Variants in PDE3B observed in about 807,000 individuals in gnomAD.
PDE3B encodes cGMP-inhibited 3',5'-cyclic phosphodiesterase 3B.
PDE3B carries 66 observed loss-of-function variants against 116.8 expected under a neutral mutation model. The observed-to-expected ratio is 0.56, with a 90% CI of 0.46 to 0.69. The LOEUF is 0.69. Among genes scored for constraint, PDE3B ranks in the 30% least tolerant of loss-of-function variants. The pLI, the probability that PDE3B is intolerant of heterozygous loss-of-function variation, is 0.00. For synonymous variants in PDE3B, 595 were observed against 533.6 expected, an observed-to-expected ratio of 1.12 and a Z score of -1.59; for missense variants, 1,384 against 1,368.1, an observed-to-expected ratio of 1.01 and a Z score of -0.18.
intron 12 of PDE3B, among the ~76,000 whole-genome samples, chr11:14,845,156 TCAGA>T (rs971223936): frequency 6.6e-6 from 1 of 151,712 alleles, no homozygotes; most frequent in African/African-American, 2.4e-5. Context: ...AGAGGAACGA[TCAGA>T]CAGCAGCGTT....
chr11:14,654,535 C>T (rs1198048962), intron 1 of PDE3B, among the ~76,000 whole-genome samples: 1 of 152,040 alleles, frequency 6.6e-6, no homozygotes, highest in Non-Finnish European at 1.5e-5. Flanking sequence ...AAAGTACATA[C>T]TCAGGCAGAA....
At chr11:14,891,869 G>A in the PDE3B span, 16 of 1,414,282 alleles carry the variant, frequency 1.1e-5, no homozygotes, top group Non-Finnish European at 1.5e-5. Context: ...CCGGCACACG[G>A]AGAGGTCCCG....
At chr11:14,693,442 GC>G (rs1855107339) in intron 1 of PDE3B, among the ~76,000 whole-genome samples, 1 of 152,164 alleles carries the variant, frequency 6.6e-6, no homozygotes, top group Non-Finnish European at 1.5e-5. Flanking sequence ...TGAAGCCTAG[GC>G]TGACTGTCTT....
chr11:14,796,015 TCCCTCCTCTAGTCC>T (rs1311260304), intron 4 of PDE3B, among the ~76,000 whole-genome samples: 1 of 152,082 alleles, frequency 6.6e-6, no homozygotes, highest in Non-Finnish European at 1.5e-5. Context: ...CCTAATGCTA[TCCCTCCTCTAGTCC>T]CCCACCCCCC....
At chr11:14,666,867 A>T (rs1389513938) in intron 1 of PDE3B, among the ~76,000 whole-genome samples, 2 of 152,328 alleles carry the variant, frequency 1.3e-5, no homozygotes, top group East Asian at 3.9e-4. Flanking sequence ...ATTGTGGAAG[A>T]CAGTGTGGCA....
intron 1 of PDE3B, among the ~76,000 whole-genome samples, chr11:14,766,534 GT>G (rs1450448315): frequency 6.6e-6 from 1 of 151,462 alleles, no homozygotes; most frequent in Non-Finnish European, 1.5e-5. Flanking sequence ...TATTTGCTCA[GT>G]TTTTCCAAAG....
At chr11:14,734,965 A>G (rs964991525) in intron 1 of PDE3B, among the ~76,000 whole-genome samples, 11 of 152,188 alleles carry the variant, frequency 7.2e-5, no homozygotes, top group Middle Eastern at 3.4e-3. Context: ...TTTTTTCCAA[A>G]CCAGGCAAGG....
intron 1 of PDE3B, among the ~76,000 whole-genome samples, chr11:14,712,706 C>T (rs1236997521): frequency 6.6e-6 from 1 of 152,092 alleles, no homozygotes; most frequent in African/African-American, 2.4e-5. Context: ...GACTCCTGAC[C>T]TCAAGTGATC....
chr11:14,658,863 C>T (rs1299237607), intron 1 of PDE3B, among the ~76,000 whole-genome samples: 1 of 152,156 alleles, frequency 6.6e-6, no homozygotes, highest in Non-Finnish European at 1.5e-5. Flanking sequence ...CCTTTAAATT[C>T]AGGGACAGTA....
At chr11:14,857,930 G>A (rs1290323904) in intron 12 of PDE3B, among the ~76,000 whole-genome samples, 12 of 152,126 alleles carry the variant, frequency 7.9e-5, no homozygotes, top group East Asian at 3.9e-4. Flanking sequence ...GGGAGTTTTC[G>A]AAGCTTACTC....
chr11:14,853,007 C>T (rs1555005482), intron 12 of PDE3B, among the ~76,000 whole-genome samples: 1 of 149,198 alleles, frequency 6.7e-6, no homozygotes, highest in African/African-American at 2.5e-5. Context: ...TTAAGTCTCT[C>T]TCTCTTTTTT....
chr11:14,795,486 G>T (rs535265243), intron 4 of PDE3B, among the ~76,000 whole-genome samples: 2 of 152,262 alleles, frequency 1.3e-5, no homozygotes, highest in Non-Finnish European at 2.9e-5. Context: ...TTTATCTGGT[G>T]CTGGGCCAGG....
intron 11 of PDE3B, among the ~76,000 whole-genome samples, chr11:14,836,096 G>A (rs1352512076): frequency 6.6e-6 from 1 of 152,098 alleles, no homozygotes; most frequent in Non-Finnish European, 1.5e-5. Context: ...TATGTCACTG[G>A]TTCATTTTTG....
intron 2 of PDE3B, among the ~76,000 whole-genome samples, chr11:14,779,118 A>G (rs979094265): frequency 6.6e-6 from 1 of 152,204 alleles, no homozygotes. Context: ...AGAGAAATTT[A>G]GAGAAAAAAG....
chr11:14,878,216 A>G, the PDE3B span: 1 of 1,613,314 alleles, frequency 6.2e-7, no homozygotes, highest in Admixed American at 1.7e-5. Flanking sequence ...TGGAAAATGC[A>G]AATGAAACCT....
chr11:14,881,346 T>A, the PDE3B span, among the ~76,000 whole-genome samples: 1 of 152,132 alleles, frequency 6.6e-6, no homozygotes, highest in Non-Finnish European at 1.5e-5. Flanking sequence ...CAAACTTTTC[T>A]AATGCTGATA....
intron 4 of PDE3B, among the ~76,000 whole-genome samples, chr11:14,800,613 T>A (rs1858723430): frequency 6.6e-6 from 1 of 152,214 alleles, no homozygotes; most frequent in Non-Finnish European, 1.5e-5. Context: ...TCAACTTCGG[T>A]GAATCTGACA....
chr11:14,753,212 G>A (rs1338437624), intron 1 of PDE3B, among the ~76,000 whole-genome samples: 2 of 152,084 alleles, frequency 1.3e-5, no homozygotes, highest in African/African-American at 2.4e-5. Context: ...ACAATTACAA[G>A]CATATTTTCA....
intron 11 of PDE3B, among the ~76,000 whole-genome samples, chr11:14,835,761 C>A (rs1226341924): frequency 1.3e-5 from 2 of 152,074 alleles, no homozygotes; most frequent in Non-Finnish European, 2.9e-5. Flanking sequence ...AGTTTGAAAC[C>A]AGCCTAGGCA....
Sources: allele counts gnomAD v4.1 joint callset (sites outside exome capture counted in the v4.1 genomes callset), GRCh38; gene constraint gnomAD v4.1.1; transcripts MANE v1.5; gene names NCBI Gene and HGNC (gene_info 2026-07-23, HGNC 2026-07-21).